SATL1: variants seen among roughly 807,000 people sequenced by gnomAD.
SATL1 encodes spermidine/spermine N1-acetyl transferase like 1.
In SATL1, 47 loss-of-function variants were observed where a neutral mutation model predicts 51.8. The ratio of observed to expected loss-of-function variants is 0.91; its 90% confidence interval spans 0.72 to 1.16. SATL1 has a LOEUF of 1.16. SATL1 is among the 50% of genes most tolerant of loss of function. The probability of loss-of-function intolerance (pLI) is 0.00; values close to 1 mark genes in which losing one functional copy is unlikely to be tolerated. For synonymous variants in SATL1, 176 were observed against 182.4 expected (o/e 0.97, Z 0.28); for missense variants, 520 against 526.4 (o/e 0.99, Z 0.12).
At chrX:85,150,238 A>C (rs1247577142) in intron 2 of SATL1, among the ~76,000 whole-genome samples, 3 of 111,981 alleles carry the variant, frequency 2.7e-5, no homozygotes, top group Non-Finnish European at 3.8e-5. Context: ...ATTCCTCGAC[A>C]CATACACTCT....
Position 85,162,653 on chromosome X carries a change from T to C in SATL1, c.-312-53373A>G, listed in dbSNP as rs6617037. On this transcript the variant is annotated intron_variant, in intron 2 of 7. Transcript: ENST00000644105. The stretch of plus-strand genomic sequence containing the variant: ...GGGAATGCTTTCAATTTTTCCCCAT[T>C]TAGTATGATACTGGCTGTGGGTTTG... Among the ~76,000 whole-genome samples the C allele has an allele frequency of 0.023, 2,505 of 111,309 alleles. 160 individuals are homozygous for C. The East Asian group carries it at 0.3, about 13-fold the overall frequency.
chrX:85,122,393 G>C lies in SATL1; in HGVS notation c.-312-13113C>G, dbSNP rs182970122. ...CAGGTATTCTGATTCAATGGATTTG[G>C]TGTAGGGCCAGTCTGCAAATTTAAC... On this transcript the variant is annotated intron_variant, in intron 2 of 7. Transcript: ENST00000644105. 4.2e-3 allele frequency among the ~76,000 whole-genome samples: 462 copies of C among 111,191 alleles called. 5 individuals carry two copies. The highest frequency in any genetic ancestry group is 5.3e-3 in the Non-Finnish European group (281 of 52,943).
chrX:85,212,523 T>C (rs1927949595), intron 2 of SATL1, among the ~76,000 whole-genome samples: 1 of 112,148 alleles, frequency 8.9e-6, no homozygotes, highest in African/African-American at 3.2e-5. Context: ...TATTTTGTTA[T>C]GTCTGCTATG....
At chrX:85,102,574 C>T (rs947983643) in intron 4 of SATL1, among the ~76,000 whole-genome samples, 1 of 111,471 alleles carries the variant, frequency 9.0e-6, no homozygotes, top group Non-Finnish European at 1.9e-5. Flanking sequence ...GGACTGAGGA[C>T]ATTATGAAAT....
At chrX:85,141,824 T>C (rs1319130553) in intron 2 of SATL1, among the ~76,000 whole-genome samples, 1 of 109,288 alleles carries the variant, frequency 9.2e-6, no homozygotes, top group East Asian at 2.9e-4. Flanking sequence ...AGAGTCTATC[T>C]ATGATTTATA....
chrX:85,231,301 G>A (rs1928377456), intron 1 of SATL1, among the ~76,000 whole-genome samples: 1 of 111,977 alleles, frequency 8.9e-6, no homozygotes, highest in Admixed American at 9.5e-5. Flanking sequence ...GAATAAACTA[G>A]TCACAGAAGG....
chrX:85,198,675 G>A (rs138420086), intron 2 of SATL1, among the ~76,000 whole-genome samples: 1,568 of 110,530 alleles, frequency 0.014, 11 homozygotes, highest in Non-Finnish European at 0.019. Flanking sequence ...TACAGGCATG[G>A]AATATGTAAT....
At chrX:85,128,299 C>A (rs1925683142) in intron 2 of SATL1, among the ~76,000 whole-genome samples, 1 of 111,854 alleles carries the variant, frequency 8.9e-6, no homozygotes, top group South Asian at 3.8e-4. Flanking sequence ...CACATCCTCT[C>A]CAGCACCTGT....
chrX:85,237,650 T>C (rs1401405307), intron 1 of SATL1, among the ~76,000 whole-genome samples: 1 of 111,641 alleles, frequency 9.0e-6, no homozygotes, highest in Admixed American at 9.5e-5. Context: ...AGTACATTTA[T>C]CTGGGCAAAG....
rs146269642 is a variant in SATL1 at position 85,107,518 on chromosome X, G to A, written c.1451C>T (p.Pro484Leu). 10 of 1,211,008 alleles carry A rather than the reference G, an allele frequency of 8.3e-6. No homozygotes were observed. The East Asian group carries it at 8.9e-5, about 11-fold the overall frequency. ...PGRGQPGIWE[P>L]GPSQPGLSQQ... ...GCTCAGGCCTGGCTGACTCGGCCCC[G>A]GTTCCCATATGCCTGGTTGGCCCCT... is the stretch of plus-strand genomic sequence containing the variant. The change falls in exon 3 of 8, where the codon CCG becomes CTG. Residue 484 changes from proline (P) to leucine (L), a missense_variant. Around this residue, in one of 3 missense-constraint regions of SATL1, gnomAD observed 488 missense variants for 474.3 expected, o/e 1.03. Transcript: ENST00000644105.
chrX:85,130,765 C>T (rs751181741), intron 2 of SATL1, among the ~76,000 whole-genome samples: 1 of 111,822 alleles, frequency 8.9e-6, no homozygotes, highest in Non-Finnish European at 1.9e-5. Flanking sequence ...ATCTTTCCTG[C>T]CTTCTCTTGT....
At chrX:85,157,500 C>T (rs1224777999) in intron 2 of SATL1, among the ~76,000 whole-genome samples, 1 of 111,252 alleles carries the variant, frequency 9.0e-6, no homozygotes, top group Non-Finnish European at 1.9e-5. Context: ...GTTAGAGAAC[C>T]GTGCAGGTAG....
chrX:85,133,354 C>T (rs752763537), intron 2 of SATL1, among the ~76,000 whole-genome samples: 21 of 112,092 alleles, frequency 1.9e-4, no homozygotes, highest in African/African-American at 5.8e-4. Flanking sequence ...CTACTCAAGC[C>T]TCAGCAATGG....
At chrX:85,150,656 T>C (rs1165127187) in intron 2 of SATL1, among the ~76,000 whole-genome samples, 1 of 111,642 alleles carries the variant, frequency 9.0e-6, no homozygotes, top group African/African-American at 3.3e-5. Context: ...CAAGGCTGGT[T>C]CAACATATGA....
chrX:85,135,524 T>C (rs760016496), intron 2 of SATL1, among the ~76,000 whole-genome samples: 170 of 108,856 alleles, frequency 1.6e-3, no homozygotes, highest in Non-Finnish European at 1.9e-3. Context: ...TTGTTACTTA[T>C]AAAATAAAAT....
chrX:85,195,194 A>T (rs1425989201), intron 2 of SATL1, among the ~76,000 whole-genome samples: 3 of 111,173 alleles, frequency 2.7e-5, no homozygotes, highest in African/African-American at 9.8e-5. Context: ...TAGAAATGGT[A>T]GTTAAAACTA....
chrX:85,101,079 T>C (rs990469824), intron 4 of SATL1, among the ~76,000 whole-genome samples: 1 of 112,147 alleles, frequency 8.9e-6, no homozygotes, highest in African/African-American at 3.2e-5. Flanking sequence ...TCAACATAAG[T>C]GCTAAACCTA....
chrX:85,160,159 A>G (rs199667183), intron 2 of SATL1, among the ~76,000 whole-genome samples: 1 of 110,230 alleles, frequency 9.1e-6, no homozygotes, highest in East Asian at 2.9e-4. Context: ...AGGTCATCAA[A>G]TAGGAGAAAA....
At chrX:85,165,907 T>C (rs1158334168) in intron 2 of SATL1, among the ~76,000 whole-genome samples, 2 of 111,788 alleles carry the variant, frequency 1.8e-5, no homozygotes, top group Non-Finnish European at 3.8e-5. Flanking sequence ...TAAAGCAGCA[T>C]GGCACTGGTA....
Sources: allele counts gnomAD v4.1 joint callset (sites outside exome capture counted in the v4.1 genomes callset), GRCh38; gene constraint gnomAD v4.1.1; regional missense constraint gnomAD v4.1.1; transcripts MANE v1.5; gene names NCBI Gene and HGNC (gene_info 2026-07-23, HGNC 2026-07-21).